Variants in PPP2R2B observed in about 807,000 individuals in gnomAD.
The protein encoded by PPP2R2B is serine/threonine-protein phosphatase 2A 55 kDa regulatory subunit B beta isoform.
In PPP2R2B, 5 loss-of-function variants were observed where a neutral mutation model predicts 46.0. The observed-to-expected ratio is 0.11, with a 90% CI of 0.06 to 0.23. PPP2R2B has a LOEUF of 0.23. PPP2R2B is among the 10% of genes least tolerant of loss of function. PPP2R2B has a pLI of 1.00. For synonymous variants in PPP2R2B, 215 were observed against 206.7 expected, an observed-to-expected ratio of 1.04 and a Z score of -0.34; for missense variants, 367 against 575.0, an observed-to-expected ratio of 0.64 and a Z score of 3.70.
At chr5:146,800,589 T>G (rs1033105999) in intron 2 of PPP2R2B, among the ~76,000 whole-genome samples, 3 of 116,718 alleles carry the variant, frequency 2.6e-5, no homozygotes, top group Non-Finnish European at 4.8e-5. Flanking sequence ...TGGTCTCAAC[T>G]CCCAAGAGAA....
chr5:146,696,061 A>AT (rs755241396), intron 4 of PPP2R2B, among the ~76,000 whole-genome samples: 4 of 151,082 alleles, frequency 2.6e-5, no homozygotes, highest in Non-Finnish European at 5.9e-5. Context: ...CATTTCACTG[A>AT]TTTTTTCCCA....
chr5:146,837,032 A>C (rs1357633525), intron 2 of PPP2R2B, among the ~76,000 whole-genome samples: 1 of 152,224 alleles, frequency 6.6e-6, no homozygotes, highest in Non-Finnish European at 1.5e-5. Flanking sequence ...AGTATCCTGG[A>C]AGAGTTTAAA....
At position 146,827,433 on chromosome 5, in the gene PPP2R2B, C is replaced by T. The variant is rs567331093; in HGVS notation, c.70+50569G>A. Among the ~76,000 whole-genome samples the T allele has an allele frequency of 2.3e-3, 292 of 124,570 alleles. 1 individual carries two copies. The highest frequency in any genetic ancestry group is 9.2e-3 in the African/African-American group (281 of 30,678). The allele number at this position is 124,570 out of a possible 152,430, so 81.7% of individuals were successfully genotyped here. On this transcript the variant is annotated intron_variant, in intron 2 of 9. Coordinates refer to ENST00000394411, the MANE Select transcript of PPP2R2B (RefSeq NM_181675.4). ...AAGGGAAAGAGCACCCAGAACACAT[C>T]GGTTATTTTCAAAATGTCTTATGTA...
chr5:146,642,944 C>T (rs1775313423), intron 6 of PPP2R2B, among the ~76,000 whole-genome samples: 1 of 152,102 alleles, frequency 6.6e-6, no homozygotes, highest in South Asian at 2.1e-4. Context: ...GTAGTTCCAG[C>T]TACTGGGGAG....
At chr5:146,692,330 T>C (rs898184798) in intron 4 of PPP2R2B, among the ~76,000 whole-genome samples, 11 of 152,130 alleles carry the variant, frequency 7.2e-5, no homozygotes, top group African/African-American at 2.7e-4. Context: ...CTCACCTTTG[T>C]ACTGCCCCAG....
chr5:147,070,342 G>A (rs1439750892), intron 2 of PPP2R2B, among the ~76,000 whole-genome samples: 1 of 152,006 alleles, frequency 6.6e-6, no homozygotes, highest in Non-Finnish European at 1.5e-5. Flanking sequence ...CTTTTTTAAA[G>A]CTCTATATAA....
chr5:146,889,838 T>C (rs146851498), intron 1 of PPP2R2B, among the ~76,000 whole-genome samples: 2 of 152,336 alleles, frequency 1.3e-5, no homozygotes, highest in East Asian at 3.9e-4. Flanking sequence ...AGCAGTTGTC[T>C]AACTCCAGGC....
intron 1 of PPP2R2B, among the ~76,000 whole-genome samples, chr5:146,935,541 C>G (rs1764111176): frequency 6.6e-6 from 1 of 152,114 alleles, no homozygotes. Flanking sequence ...TGCCAAGTAG[C>G]TCTGGGAGCA....
intron 2 of PPP2R2B, among the ~76,000 whole-genome samples, chr5:146,745,162 G>C (rs1356725343): frequency 1.3e-4 from 4 of 31,758 alleles, no homozygotes; most frequent in African/African-American, 2.9e-4. Context: ...GAGAAAGACA[G>C]AGAGAGAGAG....
chr5:147,062,974 GGGA>G (rs1757304192), intron 2 of PPP2R2B, among the ~76,000 whole-genome samples: 2 of 104,524 alleles, frequency 1.9e-5, no homozygotes, highest in Admixed American at 1.9e-4. Flanking sequence ...GAGGGAGGGA[GGGA>G]GGGAGGGAGG....
intron 1 of PPP2R2B, among the ~76,000 whole-genome samples, chr5:146,946,656 T>TA (rs1447363263): frequency 6.6e-6 from 1 of 152,088 alleles, no homozygotes; most frequent in Admixed American, 6.6e-5. Context: ...GTAGAGTATA[T>TA]AAAATCTTTT....
chr5:146,920,267 C>T lies in PPP2R2B; in HGVS notation c.79+135398G>A, dbSNP rs118039951. Among the ~76,000 whole-genome samples, 861 of 152,092 alleles carry T rather than the reference C, an allele frequency of 5.7e-3. 28 individuals carry two copies. The East Asian group carries it at 0.068, about 12-fold the overall frequency. On this transcript the variant is annotated intron_variant, in intron 1 of 8. Transcript: ENST00000336640. ...AAGCAAGTTGCATCATAGTTGCTCC[C>T]GTAATAACTAGTGACATGGGCTCTA...
At position 146,851,521 on chromosome 5, in the gene PPP2R2B, G is replaced by A. The variant is rs1329466164; in HGVS notation, c.70+26481C>T. Among the ~76,000 whole-genome samples, 3 of 152,108 alleles carry A rather than the reference G, an allele frequency of 2.0e-5. No individual in the cohort carries two copies. In the East Asian group the frequency reaches 5.8e-4, roughly 29 times the overall value. ...TTGTAAGTGATCCAAATGCCTCACT[G>A]GGATAACCTGCATCATTATTGCTTC... On this transcript the variant is annotated intron_variant, in intron 2 of 9. Transcript: ENST00000394411.
chr5:146,658,202 A>C (rs1776459768), intron 5 of PPP2R2B, among the ~76,000 whole-genome samples: 1 of 152,164 alleles, frequency 6.6e-6, no homozygotes, highest in African/African-American at 2.4e-5. Context: ...GGAAACCCTG[A>C]CCCTGGTGCT....
At chr5:146,967,765 C>T (rs906604240) in intron 1 of PPP2R2B, among the ~76,000 whole-genome samples, 3 of 152,180 alleles carry the variant, frequency 2.0e-5, no homozygotes, top group African/African-American at 4.8e-5. Context: ...TCCTCCCTCC[C>T]GGTTTGCAGT....
At chr5:146,972,922 C>T (rs1239438483) in intron 1 of PPP2R2B, among the ~76,000 whole-genome samples, 2 of 152,102 alleles carry the variant, frequency 1.3e-5, no homozygotes, top group Admixed American at 1.3e-4. Flanking sequence ...TAAAAACTTT[C>T]ACCCAGCTTA....
At chr5:147,054,076 T>G (rs1756957142) in intron 1 of PPP2R2B, among the ~76,000 whole-genome samples, 1 of 152,344 alleles carries the variant, frequency 6.6e-6, no homozygotes, top group South Asian at 2.1e-4. Context: ...AAATGAGGTT[T>G]CCATTTTAAT....
chr5:146,672,821 C>T (rs769646366), intron 5 of PPP2R2B, among the ~76,000 whole-genome samples: 1 of 152,064 alleles, frequency 6.6e-6, no homozygotes, highest in Admixed American at 6.6e-5. Flanking sequence ...TTATTTTTTC[C>T]TTCACGAGAA....
chr5:147,016,334 C>CA lies in PPP2R2B; in HGVS notation c.79+39330dup, dbSNP rs1044779483. Among the ~76,000 whole-genome samples the CA allele has an allele frequency of 3.8e-3, 539 of 142,464 alleles. 2 individuals are homozygous for CA. Among genetic ancestry groups the CA allele is most frequent in the African/African-American group, 8.6e-3 (337 of 39,258 alleles). 93.5% of individuals were successfully genotyped at this position (142,464 alleles called of 152,430 possible). A position where few individuals can be genotyped will look rare whatever the true frequency, so the allele number is the denominator to read the frequency against. ...TAGGTGACACAGTAAGACTCTGTCT[C>CA]AAAAAAAAAAAGATGATAGCAGTTT... On this transcript the variant is annotated intron_variant, in intron 1 of 8. Coordinates refer to the PPP2R2B transcript ENST00000336640.
Sources: allele counts gnomAD v4.1 joint callset (sites outside exome capture counted in the v4.1 genomes callset), GRCh38; gene constraint gnomAD v4.1.1; transcripts MANE v1.5; gene names NCBI Gene and HGNC (gene_info 2026-07-23, HGNC 2026-07-21).